The following PDE10A variants were observed in gnomAD, a reference collection of about 807,000 sequenced individuals.
PDE10A encodes cAMP and cAMP-inhibited cGMP 3',5'-cyclic phosphodiesterase 10A.
A neutral mutation model predicts 97.7 loss-of-function variants in PDE10A; 39 were observed. The observed-to-expected ratio is 0.40, with a 90% CI of 0.31 to 0.52. The LOEUF (loss-of-function observed/expected upper bound fraction) is 0.52. Ranked by LOEUF, PDE10A falls within the 20% of genes least tolerant of loss-of-function variation. The pLI is 0.56. For synonymous variants in PDE10A, 371 were observed against 376.8 expected, an observed-to-expected ratio of 0.98 and a Z score of 0.18; for missense variants, 731 against 1,047.8, an observed-to-expected ratio of 0.70 and a Z score of 4.17.
At chr6:165,602,373 T>C (rs1377125871) in intron 1 of PDE10A, among the ~76,000 whole-genome samples, 1 of 152,100 alleles carries the variant, frequency 6.6e-6, no homozygotes, top group African/African-American at 2.4e-5. Flanking sequence ...ATAATCCACA[T>C]GTCTCCCTTC....
intron 18 of PDE10A, among the ~76,000 whole-genome samples, chr6:165,377,095 T>C (rs1430396363): frequency 6.6e-6 from 1 of 152,192 alleles, no homozygotes; most frequent in Non-Finnish European, 1.5e-5. Flanking sequence ...ATTTTTAAAT[T>C]AAGGTGTGTA....
At chr6:165,630,310 TGCACTCCA>T (rs1788572079) in intron 1 of PDE10A, among the ~76,000 whole-genome samples, 1 of 152,168 alleles carries the variant, frequency 6.6e-6, no homozygotes, top group East Asian at 1.9e-4. Context: ...ATTGCACCAC[TGCACTCCA>T]GCCTGGGTGA....
At chr6:165,804,660 C>A (rs1018440824) in intron 1 of PDE10A, among the ~76,000 whole-genome samples, 1 of 152,056 alleles carries the variant, frequency 6.6e-6, no homozygotes, top group African/African-American at 2.4e-5. Context: ...GCAGGCGGGG[C>A]TGGTGGGATC....
At chr6:165,659,504 G>A (rs1483554175) in intron 1 of PDE10A, among the ~76,000 whole-genome samples, 2 of 152,238 alleles carry the variant, frequency 1.3e-5, no homozygotes, top group African/African-American at 4.8e-5. Context: ...TGTCAGAGCA[G>A]AAATTGGCTA....
At chr6:165,480,415 C>T (rs1245911352) in intron 3 of PDE10A, among the ~76,000 whole-genome samples, 1 of 151,864 alleles carries the variant, frequency 6.6e-6, no homozygotes, top group Non-Finnish European at 1.5e-5. Flanking sequence ...TGGAAAAATC[C>T]CATCTCTATT....
chr6:165,601,037 C>T (rs981228300), intron 1 of PDE10A, among the ~76,000 whole-genome samples: 2 of 152,172 alleles, frequency 1.3e-5, no homozygotes, highest in Non-Finnish European at 2.9e-5. Context: ...CCAGAATTCC[C>T]AAGTTTGTGG....
At position 165,687,822 on chromosome 6, in the gene PDE10A, G is replaced by T. The variant is rs183801215; in HGVS notation, c.-614-144254C>A. 2.0e-5 allele frequency among the ~76,000 whole-genome samples: 3 copies of T among 152,290 alleles called. No homozygotes were observed. In the East Asian group the frequency reaches 5.8e-4, roughly 29 times the overall value. On this transcript the variant is annotated intron_variant, in intron 1 of 19. Transcript: ENST00000366882. Reference sequence around the variant, plus strand: ...TACTCTTTGCCAGACATTATTTTAAGCCCTTCCCAAACTTTCGCACATTTA... The same window carrying T: ...TACTCTTTGCCAGACATTATTTTAATCCCTTCCCAAACTTTCGCACATTTA...
chr6:165,498,583 C>G (rs1780689443), intron 2 of PDE10A, among the ~76,000 whole-genome samples: 1 of 150,908 alleles, frequency 6.6e-6, no homozygotes. Context: ...CTGAGGTATA[C>G]AAGATTCCAT....
rs570762289 is a variant in PDE10A at position 165,364,701 on chromosome 6, C to T, written c.2783+14493G>A. Among the ~76,000 whole-genome samples the T allele has an allele frequency of 1.8e-4, 27 of 152,266 alleles. No homozygotes were observed. The East Asian group carries it at 4.0e-3, about 23-fold the overall frequency. On this transcript the variant is annotated intron_variant, in intron 18 of 21. Transcript: ENST00000539869. ...AAAGTTGCTTTAACAATCATCTTTT[C>T]TGTCTTGGCCAGGAAGAAAATATTG... is the stretch of plus-strand genomic sequence containing the variant.
intron 1 of PDE10A, among the ~76,000 whole-genome samples, chr6:165,900,066 C>T (rs938441613): frequency 6.6e-6 from 1 of 152,172 alleles, no homozygotes; most frequent in Non-Finnish European, 1.5e-5. Context: ...TTCGCTGGTG[C>T]CCTGCAGCCC....
chr6:165,465,918 T>C (rs1352715383), intron 3 of PDE10A, among the ~76,000 whole-genome samples: 1 of 151,974 alleles, frequency 6.6e-6, no homozygotes, highest in Non-Finnish European at 1.5e-5. Context: ...TCTTAAAGAA[T>C]GCTAGCACAG....
At chr6:165,869,834 A>G (rs557521107) in intron 1 of PDE10A, among the ~76,000 whole-genome samples, 3 of 152,266 alleles carry the variant, frequency 2.0e-5, no homozygotes, top group East Asian at 3.9e-4. Flanking sequence ...CACCAAGAAC[A>G]TACATCAGGG....
chr6:165,521,236 C>G (rs1348333476), intron 2 of PDE10A, among the ~76,000 whole-genome samples: 1 of 152,124 alleles, frequency 6.6e-6, no homozygotes, highest in Admixed American at 6.6e-5. Flanking sequence ...GACTCCTCCA[C>G]CAACTGGCTG....
intron 2 of PDE10A, among the ~76,000 whole-genome samples, chr6:165,532,301 T>G (rs1782827036): frequency 1.3e-5 from 2 of 151,482 alleles, no homozygotes; most frequent in African/African-American, 4.9e-5. Flanking sequence ...AATAGATAGA[T>G]TCTCCTTATC....
intron 1 of PDE10A, among the ~76,000 whole-genome samples, chr6:165,887,472 A>G (rs1424133110): frequency 6.6e-6 from 1 of 152,162 alleles, no homozygotes; most frequent in Non-Finnish European, 1.5e-5. Context: ...TTCCATCATT[A>G]ACCTTCCTCC....
chr6:165,450,837 G>C (rs1404633429), intron 3 of PDE10A, among the ~76,000 whole-genome samples: 1 of 152,076 alleles, frequency 6.6e-6, no homozygotes, highest in East Asian at 1.9e-4. Context: ...TGCTGGGATT[G>C]AAGGCATGAG....
At chr6:165,937,065 G>A (rs1386447855) in intron 1 of PDE10A, among the ~76,000 whole-genome samples, 1 of 152,198 alleles carries the variant, frequency 6.6e-6, no homozygotes, top group East Asian at 1.9e-4. Context: ...GTTCAGGGGT[G>A]ACCATGACAA....
chr6:165,801,986 A>T (rs1778998429), intron 1 of PDE10A, among the ~76,000 whole-genome samples: 2 of 152,194 alleles, frequency 1.3e-5, no homozygotes, highest in African/African-American at 4.8e-5. Flanking sequence ...AAGAGGAAAA[A>T]TGTAAAGGCC....
chr6:165,823,946 G>T (rs1231523481), intron 1 of PDE10A, among the ~76,000 whole-genome samples: 1 of 152,146 alleles, frequency 6.6e-6, no homozygotes, highest in African/African-American at 2.4e-5. Context: ...TTCACAGAGG[G>T]CAATACTTTT....
Sources: allele counts gnomAD v4.1 joint callset (sites outside exome capture counted in the v4.1 genomes callset), GRCh38; gene constraint gnomAD v4.1.1; transcripts MANE v1.5; gene names NCBI Gene and HGNC (gene_info 2026-07-23, HGNC 2026-07-21).